The following PFKFB2 variants were observed in gnomAD, a reference collection of about 807,000 sequenced individuals.
PFKFB2 encodes the protein 6-phosphofructo-2-kinase/fructose-2,6-bisphosphatase 2.
A neutral mutation model predicts 68.0 loss-of-function variants in PFKFB2; 53 were observed. The ratio of observed to expected loss-of-function variants is 0.78; its 90% confidence interval spans 0.63 to 0.98. PFKFB2 has a LOEUF of 0.98. PFKFB2 is among the 50% of genes least tolerant of loss of function. The pLI is 0.00. For missense variants in PFKFB2, 451 were observed against 642.0 expected (o/e 0.70, Z 3.22); for synonymous variants, 222 against 227.6 (o/e 0.98, Z 0.22).
chr1:207,040,906 A>T (rs978267066), intron 1 of PFKFB2, among the ~76,000 whole-genome samples: 9 of 151,184 alleles, frequency 6.0e-5, no homozygotes, highest in Admixed American at 4.6e-4. Context: ...TGTAGTTATA[A>T]CTAGCATTTA....
chr1:207,063,149 T>C lies in PFKFB2; in HGVS notation c.315T>C (p.Cys105=). The change falls in exon 5 of 15, where the codon TGT becomes TGC. Residue 105 remains cysteine (C), a synonymous_variant. Coordinates refer to ENST00000367080, the MANE Select transcript of PFKFB2 (RefSeq NM_006212.2). This position sits in a 1 kb window ranked among gnomAD's most constrained non-coding sequence, Gnocchi z 4.1. ...NEEAMKIRKQ[C]ALVALEDVKA... ...TCATTTGCTCTTATGGCAGACAGTG[T>C]GCTCTGGTGGCGCTGGAAGATGTTA... The C allele has an allele frequency of 6.2e-7, 1 of 1,613,910 alleles. No individual in the cohort carries two copies. The highest frequency in any genetic ancestry group is 8.5e-7 in the Non-Finnish European group (1 of 1,179,766).
chr1:207,044,690 G>A (rs945687249), intron 2 of PFKFB2: 1 of 152,330 alleles, frequency 6.6e-6, no homozygotes, highest in Non-Finnish European at 1.5e-5. Flanking sequence ...CAAGAAATGG[G>A]GAAGAAGGGT....
chr1:207,072,326 C>T lies in PFKFB2; in HGVS notation c.1473C>T (p.Pro491=). ...NYSVGSRPLK[P]LSPLRAQDMQ... ...GTGTTGGGAGCCGGCCCCTCAAGCC[C>T]CTCAGCCCTCTCCGTGCCCAGGACA... Residue 491 remains proline, a synonymous_variant, in exon 15 of 15, where the codon CCC becomes CCT. Transcript: ENST00000367080. 1.9e-6 allele frequency: 3 copies of T among 1,614,170 alleles called. No individual in the cohort carries two copies. The highest frequency in any genetic ancestry group is 2.5e-6 in the Non-Finnish European group (3 of 1,180,016).
At chr1:207,077,882 T>C (rs770163318), downstream of PFKFB2, 512 of 829,612 alleles carry the variant, frequency 6.2e-4, 1 homozygote, top group Non-Finnish European at 6.8e-4. Flanking sequence ...TCCCCACCCC[T>C]AAAACTTTGC....
At position 207,059,711 on chromosome 1, in the gene PFKFB2, TC is replaced by T. The variant is rs796661691; in HGVS notation, c.86-2241del. Among the ~76,000 whole-genome samples the T allele has an allele frequency of 8.9e-4, 135 of 152,232 alleles. 1 individual carries two copies. The highest frequency in any genetic ancestry group is 3.1e-3 in the African/African-American group (130 of 41,534). On this transcript the variant is annotated intron_variant, in intron 2 of 14. Coordinates refer to ENST00000367080, the MANE Select transcript of PFKFB2 (RefSeq NM_006212.2). Reference sequence around the variant, plus strand: ...CATTTCTCCCTCCTCACCACTAGGGTCACTCTGAGTACTTCTTGCCAAACAC... The same window carrying T: ...CATTTCTCCCTCCTCACCACTAGGGTACTCTGAGTACTTCTTGCCAAACAC...
chr1:207,061,490 T>C lies in PFKFB2; in HGVS notation c.86-463T>C, dbSNP rs1289055469. Among the ~76,000 whole-genome samples the C allele has an allele frequency of 3.9e-5, 6 of 152,180 alleles. No homozygotes were observed. In the East Asian group the frequency reaches 7.7e-4, roughly 20 times the overall value. On this transcript the variant is annotated intron_variant, in intron 2 of 14. Transcript: ENST00000367080. ...TATTTCAGGAGGCCTGCCTGATATC[T>C]CCTTATTTGTCTTCCCAGACTTGCT...
intron 9 of PFKFB2, 56 bp downstream of exon 9, chr1:207,067,762 C>T (rs1446686728): frequency 1.5e-6 from 2 of 1,369,266 alleles, no homozygotes; most frequent in Admixed American, 3.7e-5. Context: ...AAGGGCATGA[C>T]TGAGGTCATA....
rs1047043433 is a variant in PFKFB2, at chr1:207,070,948, C to G, written c.1223-240C>G. The stretch of plus-strand genomic sequence containing the variant: ...GACCCCCTTCCATTGGGCTCTCTGG[C>G]TACAATACTTCCTGTTTTTGCCTGC... On this transcript the variant is annotated intron_variant, in intron 12 of 14. Coordinates refer to ENST00000367080, the MANE Select transcript of PFKFB2 (RefSeq NM_006212.2). This position sits in a 1 kb window ranked among gnomAD's most constrained non-coding sequence, Gnocchi z 4.2. Among the ~76,000 whole-genome samples, 1 of 152,048 alleles carries G rather than the reference C, an allele frequency of 6.6e-6. No homozygotes were observed. Among genetic ancestry groups the G allele is most frequent in the African/African-American group, 2.4e-5 (1 of 41,386 alleles).
At chr1:207,069,292 A>G (rs374542877) in intron 10 of PFKFB2, 132 bp from the exon 11 acceptor site, 1 of 608,570 alleles carries the variant, frequency 1.6e-6, no homozygotes, top group Non-Finnish European at 2.9e-6. Context: ...GCTGCAATAC[A>G]TGAAAGGACC....
At position 207,077,186 on chromosome 1, in the gene PFKFB2, A is replaced by T. The variant is rs569603794; in HGVS notation, c.*4815A>T. The T allele has an allele frequency of 8.1e-6, 8 of 983,416 alleles. No individual in the cohort carries two copies. The highest frequency in any genetic ancestry group is 9.6e-6 in the Non-Finnish European group (8 of 829,888). 60.9% of individuals were successfully genotyped at this position (983,416 alleles called of 1,614,324 possible). A position where few individuals can be genotyped will look rare whatever the true frequency, so the allele number is the denominator to read the frequency against. On this transcript the variant is annotated 3_prime_UTR_variant, in exon 15 of 15. Transcript: ENST00000367080. ...GGGCAGGACTTCAGTTCCACTGTTC[A>T]TTTCTGAAGCTTCTGTGTCCCCAGC...
In PFKFB2 at chr1:207,075,940, A is replaced by T. The variant is rs1183732573; in HGVS notation, c.*3569A>T. 1.0e-6 allele frequency: 1 copy of T among 985,208 alleles called. No individual in the cohort carries two copies. Among genetic ancestry groups the T allele is most frequent in the East Asian group, 1.1e-4 (1 of 8,830 alleles). 61.0% of individuals were successfully genotyped at this position (985,208 alleles called of 1,614,324 possible). A position where few individuals can be genotyped will look rare whatever the true frequency, so the allele number is the denominator to read the frequency against. On this transcript the variant is annotated 3_prime_UTR_variant, in exon 15 of 15. Coordinates refer to ENST00000367080, the MANE Select transcript of PFKFB2 (RefSeq NM_006212.2). ...CTGTATTGTTGTTTTGTTTTGGTAA[A>T]GGGATGATTTTTACATTGAGTTTTA...
upstream of PFKFB2, among the ~76,000 whole-genome samples, chr1:207,051,915 G>A (rs1301744525): frequency 6.6e-6 from 1 of 152,212 alleles, no homozygotes. Context: ...ACATAGAGAG[G>A]GCAACTAGAG....
At chr1:207,057,669 G>A (rs574384522) in intron 2 of PFKFB2, among the ~76,000 whole-genome samples, 2 of 152,126 alleles carry the variant, frequency 1.3e-5, no homozygotes, top group East Asian at 1.9e-4. Flanking sequence ...AAAGACTCCT[G>A]TTTCTTCCAA....
intron 2 of PFKFB2, chr1:207,055,071 G>T: frequency 2.7e-6 from 1 of 372,128 alleles, no homozygotes; most frequent in Non-Finnish European, 5.0e-6. Context: ...TTTGCACACT[G>T]GCTTGCTGAT....
chr1:207,061,755 G>A lies in PFKFB2; in HGVS notation c.86-198G>A, dbSNP rs567214382. ...AAATTAGCTGGGCATGGTGGAGGGC[G>A]CCTGTAGTCCCAGGTATTCGGAAGG... On this transcript the variant is annotated intron_variant, in intron 2 of 14. Coordinates refer to ENST00000367080, the MANE Select transcript of PFKFB2 (RefSeq NM_006212.2). 1.8e-3 allele frequency among the ~76,000 whole-genome samples: 273 copies of A among 152,204 alleles called. 2 individuals carry two copies. Among genetic ancestry groups the A allele is most frequent in the African/African-American group, 6.1e-3 (253 of 41,522 alleles).
Position 207,072,445 on chromosome 1 carries a change from C to G in PFKFB2, c.*74C>G, listed in dbSNP as rs1443185508. 1.3e-6 allele frequency: 2 copies of G among 1,547,064 alleles called. No individual in the cohort carries two copies. The highest frequency in any genetic ancestry group is 1.4e-5 in the African/African-American group (1 of 72,782). The stretch of plus-strand genomic sequence containing the variant: ...CAGCCCTGGCCTCCTGCCCTTGTCA[C>G]TAATCACCAAGGAGTCATTAACTTC... On this transcript the variant is annotated 3_prime_UTR_variant, in exon 15 of 15. Coordinates refer to ENST00000367080, the MANE Select transcript of PFKFB2 (RefSeq NM_006212.2).
Position 207,063,189 on chromosome 1 carries a change from G to A in PFKFB2, c.355G>A (p.Glu119Lys). The A allele has an allele frequency of 1.2e-6, 2 of 1,614,020 alleles. No homozygotes were observed. The highest frequency in any genetic ancestry group is 1.7e-6 in the Non-Finnish European group (2 of 1,179,850). The change falls in exon 5 of 15, where the codon GAG becomes AAG. Residue 119 changes from glutamate (E) to lysine (K), a missense_variant. Glu to Lys is a moderately conservative substitution (Grantham distance 56). Coordinates refer to ENST00000367080, the MANE Select transcript of PFKFB2 (RefSeq NM_006212.2). The surrounding 1 kb of genome is among the most constrained non-coding windows in gnomAD (Gnocchi z 4.1). ...ALEDVKAYLTEENGQIAVFDA... is the reference protein window; with the variant it reads ...ALEDVKAYLTKENGQIAVFDA... Reference sequence around the variant, plus strand: ...GGAAGATGTTAAGGCGTATCTCACTGAGGAGAATGGTCAGATTGCGGTAAG... The same window carrying A: ...GGAAGATGTTAAGGCGTATCTCACTAAGGAGAATGGTCAGATTGCGGTAAG...
intron 4 of PFKFB2, among the ~76,000 whole-genome samples, 175 bp from the exon 5 acceptor site, chr1:207,062,968 T>A (rs575105006): frequency 1.3e-5 from 2 of 152,254 alleles, no homozygotes; most frequent in Middle Eastern, 6.8e-3. Context: ...AGGAAGGGGT[T>A]ATAGGATGGT....
At chr1:207,065,788 C>G (rs987421952) in intron 8 of PFKFB2, among the ~76,000 whole-genome samples, 1 of 152,170 alleles carries the variant, frequency 6.6e-6, no homozygotes, top group Non-Finnish European at 1.5e-5. Context: ...TGTTCAGCAG[C>G]TTCCCTGGGC....
Sources: allele counts gnomAD v4.1 joint callset (sites outside exome capture counted in the v4.1 genomes callset), GRCh38; gene constraint gnomAD v4.1.1; non-coding constraint Gnocchi (gnomAD v3.1); transcripts MANE v1.5; gene names NCBI Gene and HGNC (gene_info 2026-07-23, HGNC 2026-07-21).